The following GREB1 variants were observed in gnomAD, a reference collection of about 807,000 sequenced individuals.
The protein encoded by GREB1 is growth regulating estrogen receptor binding 1.
Under a neutral mutation model 200.7 loss-of-function variants are expected in GREB1, and 106 were observed. That is an observed-to-expected ratio of 0.53 (90% CI 0.45 to 0.62). GREB1 has a LOEUF of 0.62. GREB1 is among the 20% of genes least tolerant of loss of function. The probability of loss-of-function intolerance (pLI) is 0.00; values close to 1 mark genes in which losing one functional copy is unlikely to be tolerated. For synonymous variants in GREB1, 1,132 were observed against 1,092.4 expected, an observed-to-expected ratio of 1.04 and a Z score of -0.72; for missense variants, 2,243 against 2,556.8, an observed-to-expected ratio of 0.88 and a Z score of 2.65.
At chr2:11,527,269 T>G (rs1051127305) in intron 1 of GREB1, among the ~76,000 whole-genome samples, 2 of 152,230 alleles carry the variant, frequency 1.3e-5, no homozygotes, top group African/African-American at 4.8e-5. Flanking sequence ...CTAGTCATAT[T>G]ATTAGAAAGA....
chr2:11,519,683 T>A (rs954740401), intron 1 of GREB1, among the ~76,000 whole-genome samples: 2 of 152,018 alleles, frequency 1.3e-5, no homozygotes, highest in Non-Finnish European at 2.9e-5. Flanking sequence ...CTCGACCTCT[T>A]GACCTCAGGT....
chr2:11,519,719 G>T (rs774380277), intron 1 of GREB1, among the ~76,000 whole-genome samples: 1 of 152,088 alleles, frequency 6.6e-6, no homozygotes, highest in African/African-American at 2.4e-5. Flanking sequence ...GCCTCCCAAA[G>T]TGCTGTGATT....
rs1572550857 is a variant in GREB1 at position 11,497,371 on chromosome 2, TG to T, written c.-159+14991del. On this transcript the variant is annotated intron_variant, in intron 1 of 2. Transcript: ENST00000628795. Reference sequence around the variant, plus strand: ...ACCACAGTCTGTTGAACCATGAACTTGTTGAAGGATATCTGAGTTGTTTCCA... The same window carrying T: ...ACCACAGTCTGTTGAACCATGAACTTTTGAAGGATATCTGAGTTGTTTCCA... Among the ~76,000 whole-genome samples, 3 of 152,198 alleles carry T rather than the reference TG, an allele frequency of 2.0e-5. No homozygotes were observed. The East Asian group carries it at 5.8e-4, about 29-fold the overall frequency.
Position 11,637,808 on chromosome 2 carries a change from G to T in GREB1, c.5439G>T (p.Leu1813=), listed in dbSNP as rs1188658325. ...HTFLAAPAQL[L]LEKFLQHHSH... ...TCCTCGCAGCGCCCGCCCAGCTCCT[G>T]CTGGAGAAGTTCCTGCAGCACCACA... Residue 1813 remains leucine, a synonymous_variant, in exon 31 of 33, where the codon CTG becomes CTT. Transcript: ENST00000381486. 1.9e-6 allele frequency: 3 copies of T among 1,614,196 alleles called. No individual in the cohort carries two copies. The South Asian group carries it at 3.3e-5, about 18-fold the overall frequency.
chr2:11,594,644 C>T lies in GREB1; in HGVS notation c.1697-607C>T, dbSNP rs572559150. Among the ~76,000 whole-genome samples the T allele has an allele frequency of 3.3e-5, 5 of 151,642 alleles. No individual in the cohort carries two copies. The East Asian group carries it at 5.9e-4, about 18-fold the overall frequency. On this transcript the variant is annotated intron_variant, in intron 11 of 32. Coordinates refer to ENST00000381486, the MANE Select transcript of GREB1 (RefSeq NM_014668.4). ...TGCTGAGATTACAGGCAAGAGCCACCGTGCCCGACCAGCGTTCTTTAATCT... is the reference window on the plus strand; with the variant it reads ...TGCTGAGATTACAGGCAAGAGCCACTGTGCCCGACCAGCGTTCTTTAATCT...
At chr2:11,570,899 C>T (rs1006644417) in intron 4 of GREB1, among the ~76,000 whole-genome samples, 4 of 152,086 alleles carry the variant, frequency 2.6e-5, no homozygotes, top group Non-Finnish European at 2.9e-5. Flanking sequence ...CTTCATCTTC[C>T]GCGGGAACAC....
intron 1 of GREB1, among the ~76,000 whole-genome samples, chr2:11,498,884 G>A (rs527780587): frequency 2.4e-4 from 36 of 152,234 alleles, no homozygotes; most frequent in Non-Finnish European, 4.8e-4. Flanking sequence ...AGCCCCAAAT[G>A]TGGCGTGCAG....
At chr2:11,499,086 G>A (rs1041957989) in intron 1 of GREB1, among the ~76,000 whole-genome samples, 1 of 152,152 alleles carries the variant, frequency 6.6e-6, no homozygotes, top group African/African-American at 2.4e-5. Flanking sequence ...CATAAACACA[G>A]AATTATTATT....
intron 18 of GREB1, chr2:11,612,237 C>A: frequency 3.0e-4 from 181 of 598,078 alleles, no homozygotes; most frequent in Non-Finnish European, 3.7e-4. Context: ...ACAACATAGA[C>A]TTCCTTTCAC....
chr2:11,528,630 T>G (rs931678990), intron 1 of GREB1, among the ~76,000 whole-genome samples: 1 of 152,168 alleles, frequency 6.6e-6, no homozygotes, highest in Non-Finnish European at 1.5e-5. Flanking sequence ...GCCTCCCAAG[T>G]AGAATATTTT....
chr2:11,589,144 A>G (rs982482428), intron 10 of GREB1, among the ~76,000 whole-genome samples: 1 of 152,246 alleles, frequency 6.6e-6, no homozygotes, highest in African/African-American at 2.4e-5. Flanking sequence ...AGACATTTCC[A>G]GAACTCTTTA....
intron 20 of GREB1, among the ~76,000 whole-genome samples, chr2:11,615,950 G>A (rs1483536491): frequency 2.0e-5 from 3 of 152,224 alleles, no homozygotes; most frequent in Non-Finnish European, 2.9e-5. Flanking sequence ...TCTTGACTGT[G>A]GGACCTCTCT....
At chr2:11,620,680 C>T (rs192963968) in intron 22 of GREB1, among the ~76,000 whole-genome samples, 2 of 152,260 alleles carry the variant, frequency 1.3e-5, no homozygotes, top group Non-Finnish European at 2.9e-5. Context: ...TCTAGAGATG[C>T]GTGTGCGACG....
intron 19 of GREB1, among the ~76,000 whole-genome samples, chr2:11,613,198 G>T (rs577393207): frequency 6.6e-6 from 1 of 152,244 alleles, no homozygotes; most frequent in African/African-American, 2.4e-5. Flanking sequence ...CCGCTGGTGT[G>T]GGGGGTCTCT....
At chr2:11,566,356 G>A in intron 3 of GREB1, 124 bp from the exon 4 acceptor site, 1 of 844,316 alleles carries the variant, frequency 1.2e-6, no homozygotes, top group Non-Finnish European at 1.8e-6. Context: ...TTAATTTTGA[G>A]GTCAAGCACA....
intron 1 of GREB1, among the ~76,000 whole-genome samples, chr2:11,489,332 G>A (rs192845085): frequency 1.3e-5 from 2 of 152,284 alleles, no homozygotes; most frequent in East Asian, 3.9e-4. Context: ...GGTGGCGCGT[G>A]CCTGTAATCC....
chr2:11,501,905 GTTTTTTTTTTTTT>G (rs1204074491), intron 1 of GREB1, among the ~76,000 whole-genome samples: 4 of 61,550 alleles, frequency 6.5e-5, no homozygotes, highest in African/African-American at 2.9e-4. Context: ...GTTTTTTTTT[GTTTTTTTTTTTTT>G]TTTTTTTTTT....
At chr2:11,593,994 A>T (rs1335099342) in intron 11 of GREB1, among the ~76,000 whole-genome samples, 2 of 152,114 alleles carry the variant, frequency 1.3e-5, no homozygotes, top group Non-Finnish European at 2.9e-5. Context: ...TTACTTTAAA[A>T]GTGCAGAATT....
intron 9 of GREB1, among the ~76,000 whole-genome samples, chr2:11,587,178 C>T (rs966527187): frequency 2.0e-5 from 3 of 152,152 alleles, no homozygotes; most frequent in African/African-American, 7.2e-5. Context: ...GCTGTAAAGC[C>T]CTCGTCTCCC....
Sources: gnomAD v4.1 joint callset for allele counts (sites outside exome capture counted in the v4.1 genomes callset) on GRCh38, gnomAD v4.1.1 for gene constraint, MANE v1.5 for transcripts, NCBI Gene and HGNC (gene_info 2026-07-23, HGNC 2026-07-21) for gene names.